The following C16orf78 variants were observed in gnomAD, a reference collection of about 807,000 sequenced individuals.
C16orf78 encodes the protein uncharacterized protein C16orf78.
In C16orf78, 19 loss-of-function variants were observed where a neutral mutation model predicts 27.3. The observed-to-expected ratio is 0.70, with a 90% CI of 0.49 to 1.02. C16orf78 has a LOEUF of 1.02. Among genes scored for constraint, C16orf78 ranks in the 50% least tolerant of loss-of-function variants. C16orf78 has a pLI of 0.00. For missense variants in C16orf78, 339 were observed against 337.0 expected (o/e 1.01, Z -0.05); for synonymous variants, 130 against 116.1 (o/e 1.12, Z -0.77).
intron 2 of C16orf78, 76 bp downstream of exon 2, chr16:49,377,926 A>C: frequency 6.7e-7 from 1 of 1,503,526 alleles, no homozygotes; most frequent in South Asian, 1.3e-5. Flanking sequence ...TCTCTCCTGC[A>C]TAATGCCTGC....
At chr16:49,388,942 C>CA (rs1226663461) in intron 3 of C16orf78, among the ~76,000 whole-genome samples, 2 of 152,042 alleles carry the variant, frequency 1.3e-5, no homozygotes, top group Non-Finnish European at 2.9e-5. Flanking sequence ...AGGTATAAAA[C>CA]AAAAAATCAA....
Position 49,396,474 on chromosome 16 carries a change from CA to C in C16orf78, c.447del (p.Phe150SerfsTer8). On this transcript the variant is annotated frameshift_variant, in exon 4 of 5. Transcript: ENST00000299191. LOFTEE classifies it high-confidence loss of function. ...CCAGAGTCCACTCAGCGGCCAAACC[CA>C]TTCCGTCGACAAAGCATTGTCTTAG... ...VDPESTQRPN[P>X]FRRQSIVLDP... 6.2e-7 allele frequency: 1 copy of C among 1,614,190 alleles called. No homozygotes were observed. Among genetic ancestry groups the C allele is most frequent in the Non-Finnish European group, 8.5e-7 (1 of 1,180,030 alleles).
chr16:49,375,444 G>A (rs1965203284), intron 1 of C16orf78, among the ~76,000 whole-genome samples: 1 of 152,220 alleles, frequency 6.6e-6, no homozygotes. Context: ...AGGCAAAAGA[G>A]GAGCAGGCAC....
chr16:49,378,527 G>A lies in C16orf78; in HGVS notation c.328G>A (p.Glu110Lys), dbSNP rs1323092372. 6.2e-7 allele frequency: 1 copy of A among 1,612,460 alleles called. No individual in the cohort carries two copies. The highest frequency in any genetic ancestry group is 8.5e-7 in the Non-Finnish European group (1 of 1,179,274). Residue 110 changes from glutamate to lysine, a missense_variant, in exon 3 of 5, where the codon GAG (glutamate) becomes AAG (lysine). Transcript: ENST00000299191. ...AASYRSLYGV[E>K]QKGKHLSMVP... Reference sequence around the variant, plus strand: ...CTCCTACCGAAGCCTCTATGGAGTGGAGCAAAAGGGGAAACACCTCAGCAT... The same window carrying A: ...CTCCTACCGAAGCCTCTATGGAGTGAAGCAAAAGGGGAAACACCTCAGCAT...
chr16:49,379,042 A>G (rs1209255771), intron 3 of C16orf78, among the ~76,000 whole-genome samples: 1 of 152,130 alleles, frequency 6.6e-6, no homozygotes, highest in East Asian at 1.9e-4. Context: ...CAGATCCCCA[A>G]TTTCAAAGAC....
chr16:49,375,644 T>G (rs1695810964), intron 1 of C16orf78, among the ~76,000 whole-genome samples: 1 of 152,172 alleles, frequency 6.6e-6, no homozygotes, highest in Non-Finnish European at 1.5e-5. Context: ...CAACTTGACA[T>G]GAGATTTGGG....
Position 49,399,359 on chromosome 16 carries a change from A to G in C16orf78, c.*81A>G, listed in dbSNP as rs1375617484. On this transcript the variant is annotated 3_prime_UTR_variant, in exon 5 of 5. Coordinates refer to ENST00000299191, the MANE Select transcript of C16orf78 (RefSeq NM_144602.4). ...CAGATGCCATCCTCTGGCACACTAC[A>G]AGTGGTCCTTCCAACTTAGTGCATC... 2 of 1,520,060 alleles carry G rather than the reference A, an allele frequency of 1.3e-6. No homozygotes were observed. The highest frequency in any genetic ancestry group is 3.6e-5 in the Admixed American group (2 of 55,254). The allele number at this position is 1,520,060 out of a possible 1,614,324, so 94.2% of individuals were successfully genotyped here.
At chr16:49,393,322 A>T (rs1369292118) in intron 3 of C16orf78, among the ~76,000 whole-genome samples, 1 of 152,258 alleles carries the variant, frequency 6.6e-6, no homozygotes, top group Non-Finnish European at 1.5e-5. Flanking sequence ...AACAAACTGT[A>T]GCTTTACATC....
intron 3 of C16orf78, among the ~76,000 whole-genome samples, chr16:49,381,007 C>A (rs1965279326): frequency 6.7e-6 from 1 of 150,172 alleles, no homozygotes; most frequent in Non-Finnish European, 1.5e-5. Context: ...TGTTTTGGTA[C>A]CAGTACCATG....
At chr16:49,390,322 A>C (rs1216899023) in intron 3 of C16orf78, among the ~76,000 whole-genome samples, 1 of 152,082 alleles carries the variant, frequency 6.6e-6, no homozygotes, top group East Asian at 1.9e-4. Context: ...AATTTATTTC[A>C]TTTCTCCATT....
At chr16:49,384,459 G>A (rs1965323597) in intron 3 of C16orf78, among the ~76,000 whole-genome samples, 1 of 148,696 alleles carries the variant, frequency 6.7e-6, no homozygotes, top group African/African-American at 2.5e-5. Flanking sequence ...TCCAACAGAA[G>A]AATCAGTGAA....
At chr16:49,392,202 A>C (rs1204994448) in intron 3 of C16orf78, among the ~76,000 whole-genome samples, 1 of 152,236 alleles carries the variant, frequency 6.6e-6, no homozygotes, top group Admixed American at 6.5e-5. Context: ...CCTGCCATCA[A>C]CCTGGAAGTG....
At chr16:49,396,297 C>G in intron 3 of C16orf78, 126 bp from the exon 4 acceptor site, 3 of 1,095,392 alleles carry the variant, frequency 2.7e-6, no homozygotes, top group African/African-American at 1.6e-5. Context: ...CACGAAAAGA[C>G]CTCATATCTC....
intron 1 of C16orf78, among the ~76,000 whole-genome samples, chr16:49,376,163 C>T (rs1364698786): frequency 6.6e-6 from 1 of 152,218 alleles, no homozygotes; most frequent in African/African-American, 2.4e-5. Flanking sequence ...ATCTTCACCA[C>T]TCAGGGCCCT....
intron 3 of C16orf78, among the ~76,000 whole-genome samples, chr16:49,388,702 C>T (rs960938665): frequency 2.0e-5 from 3 of 151,994 alleles, no homozygotes; most frequent in East Asian, 1.9e-4. Flanking sequence ...TTTGTAGAGA[C>T]GAGGTTTTGA....
Position 49,396,547 on chromosome 16 carries a change from C to G in C16orf78, c.519C>G (p.Phe173Leu), listed in dbSNP as rs756568543. The change falls in exon 4 of 5, where the codon TTC becomes TTG. Residue 173 changes from phenylalanine to leucine, a missense_variant. Physicochemically the swap from Phe to Leu is conservative, Grantham distance 22. Coordinates refer to ENST00000299191, the MANE Select transcript of C16orf78 (RefSeq NM_144602.4). Reference sequence around the variant, plus strand: ...CCTTTAACAGCCAGAGGGCAACCTTCATAAGAGACTGGTCCAACAAGATGC... The same window carrying G: ...CCTTTAACAGCCAGAGGGCAACCTTGATAAGAGACTGGTCCAACAAGATGC... ...EGTFNSQRAT[F>L]IRDWSNKMPD... 6.2e-7 allele frequency: 1 copy of G among 1,610,824 alleles called. No homozygotes were observed. The highest frequency in any genetic ancestry group is 8.5e-7 in the Non-Finnish European group (1 of 1,179,976).
Position 49,388,232 on chromosome 16 carries a change from A to T in C16orf78, c.395-8191A>T, listed in dbSNP as rs185735866. On this transcript the variant is annotated intron_variant, in intron 3 of 4. Transcript: ENST00000299191. Reference sequence around the variant, plus strand: ...CTTCAGTTCAGCTCTGATTTTGGTTATTTCTTGTTTTCTGCTAGTTTTGGG... The same window carrying T: ...CTTCAGTTCAGCTCTGATTTTGGTTTTTTCTTGTTTTCTGCTAGTTTTGGG... 3.3e-5 allele frequency among the ~76,000 whole-genome samples: 5 copies of T among 151,858 alleles called. No individual in the cohort carries two copies. The East Asian group carries it at 7.8e-4, about 24-fold the overall frequency.
intron 3 of C16orf78, among the ~76,000 whole-genome samples, chr16:49,387,623 C>T (rs533038934): frequency 2.2e-4 from 34 of 152,270 alleles, no homozygotes; most frequent in Admixed American, 5.2e-4. Flanking sequence ...AGGAATGGTA[C>T]CAGCTCTTCT....
Position 49,396,598 on chromosome 16 carries a change from A to G in C16orf78, c.570A>G (p.Leu190=). Residue 190 remains leucine (L), a synonymous_variant, in exon 4 of 5, where the codon CTA becomes CTG. Coordinates refer to ENST00000299191, the MANE Select transcript of C16orf78 (RefSeq NM_144602.4). ...KMPDMAYERK[L]KSLMEKSTEP... Reference sequence around the variant, plus strand: ...CTGACATGGCTTACGAACGCAAGCTAAAGAGCCTCATGGAGAAAAGCACCG... The same window carrying G: ...CTGACATGGCTTACGAACGCAAGCTGAAGAGCCTCATGGAGAAAAGCACCG... The G allele has an allele frequency of 2.5e-6, 4 of 1,614,110 alleles. No homozygotes were observed. Among genetic ancestry groups the G allele is most frequent in the Non-Finnish European group, 2.5e-6 (3 of 1,180,038 alleles).
Sources: allele counts gnomAD v4.1 joint callset (sites outside exome capture counted in the v4.1 genomes callset), GRCh38; gene constraint gnomAD v4.1.1; transcripts MANE v1.5; gene names NCBI Gene and HGNC (gene_info 2026-07-23, HGNC 2026-07-21).